EPS15: variants seen among roughly 807,000 people sequenced by gnomAD.
The protein encoded by EPS15 is epidermal growth factor receptor substrate 15.
A neutral mutation model predicts 113.8 loss-of-function variants in EPS15; 72 were observed. The ratio of observed to expected loss-of-function variants is 0.63; its 90% CI spans 0.52 to 0.77. The LOEUF (loss-of-function observed/expected upper bound fraction) is 0.77, where lower values mean the gene tolerates loss of function less well. EPS15 is among the 30% of genes least tolerant of loss of function. EPS15 has a pLI of 0.00. For synonymous variants in EPS15, 344 were observed against 363.4 expected, an observed-to-expected ratio of 0.95 and a Z score of 0.61; for missense variants, 1,048 against 1,045.8, an observed-to-expected ratio of 1.00 and a Z score of -0.03.
At chr1:51,410,983 G>C (rs947192467) in intron 13 of EPS15, among the ~76,000 whole-genome samples, 1 of 152,194 alleles carries the variant, frequency 6.6e-6, no homozygotes, top group African/African-American at 2.4e-5. Flanking sequence ...CTGAAGTACT[G>C]ATGTGTAGGT....
At chr1:51,487,679 A>T (rs1365527009) in intron 1 of EPS15, among the ~76,000 whole-genome samples, 1 of 152,172 alleles carries the variant, frequency 6.6e-6, no homozygotes, top group East Asian at 1.9e-4. Context: ...CTGATCTCCA[A>T]CCTGTGCCTT....
At chr1:51,419,057 G>A (rs1039309241) in intron 13 of EPS15, among the ~76,000 whole-genome samples, 3 of 152,120 alleles carry the variant, frequency 2.0e-5, no homozygotes, top group Non-Finnish European at 4.4e-5. Context: ...AAGGTAGGAA[G>A]AATGTGAGCC....
chr1:51,445,140 G>A (rs1399927804), intron 10 of EPS15, 95 bp from the exon 11 acceptor site: 1 of 1,189,118 alleles, frequency 8.4e-7, no homozygotes, highest in Middle Eastern at 2.0e-4. Flanking sequence ...AAAATAATGA[G>A]GTGAATTTAA....
chr1:51,490,002 T>C (rs145887533), intron 1 of EPS15, among the ~76,000 whole-genome samples: 1 of 152,328 alleles, frequency 6.6e-6, no homozygotes, highest in Admixed American at 6.5e-5. Context: ...TGTTTCTTAG[T>C]GCAGCATAAT....
intron 5 of EPS15, among the ~76,000 whole-genome samples, chr1:51,467,364 A>G (rs369630799): frequency 2.6e-5 from 4 of 152,262 alleles, no homozygotes; most frequent in East Asian, 1.9e-4. Context: ...GCAAAATAAC[A>G]TATGTCCAAG....
intron 13 of EPS15, among the ~76,000 whole-genome samples, chr1:51,413,440 A>G (rs1474776819): frequency 3.3e-5 from 5 of 152,242 alleles, no homozygotes; most frequent in African/African-American, 1.2e-4. Context: ...TTAATTAAGC[A>G]ATTACTGTAA....
rs1322958769 is a variant in EPS15 at position 51,463,667 on chromosome 1, T to G, written c.501+6A>C. ...AAATTACATTTCGGAGTAAATAATATCTTACTCTTCCAAGGATATCCACAG... is the reference window on the plus strand; with the variant it reads ...AAATTACATTTCGGAGTAAATAATAGCTTACTCTTCCAAGGATATCCACAG... On this transcript the variant is annotated splice_donor_region_variant and intron_variant, in intron 7 of 24. Transcript: ENST00000371733. 6.4e-7 allele frequency: 1 copy of G among 1,553,822 alleles called. No homozygotes were observed. The highest frequency in any genetic ancestry group is 1.2e-5 in the South Asian group (1 of 86,640).
At chr1:51,479,369 G>C (rs1392071332) in intron 2 of EPS15, among the ~76,000 whole-genome samples, 1 of 152,114 alleles carries the variant, frequency 6.6e-6, no homozygotes, top group Non-Finnish European at 1.5e-5. Flanking sequence ...CTTTTTTCAA[G>C]GATTTTAGCT....
At chr1:51,388,649 C>T (rs1411099360) in intron 21 of EPS15, among the ~76,000 whole-genome samples, 1 of 152,006 alleles carries the variant, frequency 6.6e-6, no homozygotes, top group Non-Finnish European at 1.5e-5. Flanking sequence ...ACCACCGATC[C>T]CACAGAAATA....
Position 51,377,037 on chromosome 1 carries a change from G to A in EPS15, c.2120-11008C>T, listed in dbSNP as rs573749171. Among the ~76,000 whole-genome samples, 6 of 152,046 alleles carry A rather than the reference G, an allele frequency of 3.9e-5. No individual in the cohort carries two copies. The East Asian group carries it at 5.8e-4, about 15-fold the overall frequency. ...TCCCAGCACTTTGGGAGGCTGAGGC[G>A]GGGTGGATCGCCTGAGGTCAGCAGT... On this transcript the variant is annotated intron_variant, in intron 21 of 24. Coordinates refer to ENST00000371733, the MANE Select transcript of EPS15 (RefSeq NM_001981.3).
chr1:51,454,130 T>C (rs1324915585), intron 8 of EPS15, among the ~76,000 whole-genome samples: 1 of 151,516 alleles, frequency 6.6e-6, no homozygotes, highest in Non-Finnish European at 1.5e-5. Context: ...TGTAAACAGT[T>C]AATTTTAATA....
chr1:51,471,085 G>A (rs141818355), intron 4 of EPS15, among the ~76,000 whole-genome samples: 45 of 152,258 alleles, frequency 3.0e-4, no homozygotes, highest in African/African-American at 8.2e-4. Flanking sequence ...CAGCTATGCC[G>A]GGGGTGGGGA....
intron 21 of EPS15, among the ~76,000 whole-genome samples, chr1:51,371,042 G>T (rs2148360628): frequency 6.6e-6 from 1 of 151,956 alleles, no homozygotes; most frequent in Non-Finnish European, 1.5e-5. Flanking sequence ...CAGCCTCCGA[G>T]TAGCTTGCAT....
intron 21 of EPS15, chr1:51,372,900 C>A (rs1209969015): frequency 3.8e-6 from 3 of 780,294 alleles, no homozygotes; most frequent in Admixed American, 2.8e-5. Flanking sequence ...CTGGAAAAAA[C>A]AGCCACAGGC....
chr1:51,431,084 A>G (rs1651697122), intron 12 of EPS15, among the ~76,000 whole-genome samples: 1 of 151,904 alleles, frequency 6.6e-6, no homozygotes, highest in African/African-American at 2.4e-5. Context: ...TCATTCTTTC[A>G]ACAAATATTT....
intron 13 of EPS15, among the ~76,000 whole-genome samples, chr1:51,418,386 T>C (rs567461880): frequency 2.0e-5 from 3 of 151,986 alleles, no homozygotes; most frequent in Non-Finnish European, 2.9e-5. Context: ...GAGTACCTAA[T>C]ACAAGAAGGA....
At chr1:51,517,077 A>T (rs754366769) in intron 1 of EPS15, among the ~76,000 whole-genome samples, 56 of 152,320 alleles carry the variant, frequency 3.7e-4, no homozygotes, top group African/African-American at 7.5e-4. Flanking sequence ...AAATTAAATT[A>T]AATTTAAAAA....
At chr1:51,424,990 T>A (rs541255813) in intron 12 of EPS15, among the ~76,000 whole-genome samples, 26 of 152,326 alleles carry the variant, frequency 1.7e-4, no homozygotes, top group African/African-American at 5.8e-4. Flanking sequence ...GGAAAAGCTA[T>A]TACCTTCACC....
chr1:51,515,351 T>C (rs544890479), intron 1 of EPS15, among the ~76,000 whole-genome samples: 1 of 152,208 alleles, frequency 6.6e-6, no homozygotes, highest in South Asian at 2.1e-4. Context: ...TGCACACTTG[T>C]AGTCCCAGCT....
Sources: allele counts gnomAD v4.1 joint callset (sites outside exome capture counted in the v4.1 genomes callset), GRCh38; gene constraint gnomAD v4.1.1; transcripts MANE v1.5; gene names NCBI Gene and HGNC (gene_info 2026-07-23, HGNC 2026-07-21).